The following TNFRSF10D variants were observed in gnomAD, a reference collection of about 807,000 sequenced individuals.
TNFRSF10D encodes tumor necrosis factor receptor superfamily member 10D.
In TNFRSF10D, 28 loss-of-function variants were observed where a neutral mutation model predicts 42.1. The observed-to-expected ratio is 0.66, with a 90% CI of 0.49 to 0.91. TNFRSF10D has a LOEUF of 0.91. Among genes scored for constraint, TNFRSF10D ranks in the 40% least tolerant of loss-of-function variants. The pLI, the probability that TNFRSF10D is intolerant of heterozygous loss-of-function variation, is 0.00. For synonymous variants in TNFRSF10D, 186 were observed against 189.4 expected (o/e 0.98, Z 0.15); for missense variants, 503 against 486.1 (o/e 1.03, Z -0.33).
At chr8:23,141,619 T>G (rs369484308) in intron 7 of TNFRSF10D, among the ~76,000 whole-genome samples, 342 of 150,532 alleles carry the variant, frequency 2.3e-3, no homozygotes, top group African/African-American at 7.2e-3. Flanking sequence ...GCAACTTAAA[T>G]GAACACACAG....
chr8:23,160,409 C>A (rs994065661), intron 1 of TNFRSF10D, among the ~76,000 whole-genome samples: 11 of 152,178 alleles, frequency 7.2e-5, no homozygotes, highest in African/African-American at 2.7e-4. Context: ...AGGCCAAGTG[C>A]AGGACAGAGA....
Position 23,155,076 on chromosome 8 carries a change from A to G in TNFRSF10D, c.151-97T>C, listed in dbSNP as rs528786784. The G allele has an allele frequency of 8.6e-4, 831 of 966,402 alleles. 1 individual carries two copies. Among genetic ancestry groups the G allele is most frequent in the Middle Eastern group, 1.3e-3 (6 of 4,574 alleles). The allele number at this position is 966,402 out of a possible 1,614,324, so 59.9% of individuals were successfully genotyped here. A position where few individuals can be genotyped will look rare whatever the true frequency, so the allele number is the denominator to read the frequency against. On this transcript the variant is annotated intron_variant, in intron 1 of 8. Coordinates refer to ENST00000312584, the MANE Select transcript of TNFRSF10D (RefSeq NM_003840.5). ...CCCTTCACCCCAAGTGACAAAACCCATGAGAGCCTGGACTTTTTTCCCATT... is the reference window on the plus strand; with the variant it reads ...CCCTTCACCCCAAGTGACAAAACCCGTGAGAGCCTGGACTTTTTTCCCATT...
chr8:23,152,225 ATTAC>A (rs1800220912), intron 2 of TNFRSF10D, among the ~76,000 whole-genome samples: 1 of 152,238 alleles, frequency 6.6e-6, no homozygotes, highest in Admixed American at 6.5e-5. Flanking sequence ...GAAGTGGTGT[ATTAC>A]TTACAGACTC....
chr8:23,144,396 C>A, intron 7 of TNFRSF10D, 54 bp downstream of exon 7: 1 of 1,575,958 alleles, frequency 6.3e-7, no homozygotes, highest in Non-Finnish European at 8.6e-7. Context: ...CCACTGTCTA[C>A]AAAGTCCTGT....
intron 2 of TNFRSF10D, among the ~76,000 whole-genome samples, chr8:23,152,821 G>T (rs1173177632): frequency 6.6e-6 from 1 of 152,168 alleles, no homozygotes; most frequent in Non-Finnish European, 1.5e-5. Flanking sequence ...TCAATGCAAT[G>T]CCTATTAAAA....
intron 7 of TNFRSF10D, among the ~76,000 whole-genome samples, chr8:23,143,038 G>T (rs567242669): frequency 2.5e-4 from 38 of 150,484 alleles, no homozygotes; most frequent in Non-Finnish European, 3.7e-4. Flanking sequence ...GTGCAGTGGC[G>T]TGATCTCGGC....
At chr8:23,139,989 A>G (rs984397822) in intron 7 of TNFRSF10D, among the ~76,000 whole-genome samples, 1 of 152,112 alleles carries the variant, frequency 6.6e-6, no homozygotes, top group African/African-American at 2.4e-5. Context: ...ACTAAAGAAT[A>G]CAAAAATTAA....
In TNFRSF10D at chr8:23,136,877, G is replaced by A. The variant is rs1334516708; in HGVS notation, c.*993C>T. ...CAAGCTGCCCCTTGAGAAGCTGCCAGCCATCAAACCCTGGTCCAGTCTCAG... is the reference window on the plus strand; with the variant it reads ...CAAGCTGCCCCTTGAGAAGCTGCCAACCATCAAACCCTGGTCCAGTCTCAG... On this transcript the variant is annotated 3_prime_UTR_variant, in exon 9 of 9. Coordinates refer to ENST00000312584, the MANE Select transcript of TNFRSF10D (RefSeq NM_003840.5). 1 of 152,010 alleles carries A rather than the reference G, an allele frequency of 6.6e-6. No homozygotes were observed. The highest frequency in any genetic ancestry group is 2.4e-5 in the African/African-American group (1 of 41,382). The allele number at this position is 152,010 out of a possible 1,614,324, so 9.4% of individuals were successfully genotyped here.
Position 23,148,544 on chromosome 8 carries a change from A to G in TNFRSF10D, c.264T>C (p.His88=). The G allele has an allele frequency of 6.2e-7, 1 of 1,606,364 alleles. No homozygotes were observed. Among genetic ancestry groups the G allele is most frequent in the Non-Finnish European group, 8.5e-7 (1 of 1,174,612 alleles). The part of the protein sequence containing the change: ...LKEEECPAGS[H]RSEYTGACNP... Reference sequence around the variant, plus strand: ...TACAGGCTCCAGTATATTCTGATCTATGAGATCCTGGGAAGGGAGAGAAAA... The same window carrying G: ...TACAGGCTCCAGTATATTCTGATCTGTGAGATCCTGGGAAGGGAGAGAAAA... The change falls in exon 3 of 9, where the codon CAT becomes CAC. Residue 88 remains histidine (H), a synonymous_variant. Transcript: ENST00000312584.
intron 1 of TNFRSF10D, among the ~76,000 whole-genome samples, chr8:23,159,660 G>A (rs547964685): frequency 7.9e-5 from 12 of 152,200 alleles, no homozygotes; most frequent in African/African-American, 1.2e-4. Context: ...GCTCGACTTC[G>A]AGACCAGCCT....
intron 6 of TNFRSF10D, 131 bp downstream of exon 6, chr8:23,144,927 G>T: frequency 7.2e-7 from 1 of 1,390,494 alleles, no homozygotes. Flanking sequence ...AGTCAGCCCA[G>T]ATCCCCCAGG....
At chr8:23,140,112 AC>A (rs1357606133) in intron 7 of TNFRSF10D, among the ~76,000 whole-genome samples, 2 of 152,158 alleles carry the variant, frequency 1.3e-5, no homozygotes, top group African/African-American at 4.8e-5. Flanking sequence ...ACACGGTGAA[AC>A]CCCACCTCTA....
At chr8:23,162,930 T>C (rs1271879337) in intron 1 of TNFRSF10D, among the ~76,000 whole-genome samples, 3 of 152,176 alleles carry the variant, frequency 2.0e-5, no homozygotes, top group Non-Finnish European at 2.9e-5. Flanking sequence ...TTTGTTTGTC[T>C]GTTTTTGTTA....
chr8:23,150,562 T>C (rs150692187), intron 2 of TNFRSF10D, among the ~76,000 whole-genome samples: 952 of 152,152 alleles, frequency 6.3e-3, no homozygotes, highest in African/African-American at 0.019. Flanking sequence ...CCGAAAGGAA[T>C]AGACATTTAC....
At chr8:23,146,921 G>A in intron 4 of TNFRSF10D, 40 bp downstream of exon 4, 4 of 1,542,672 alleles carry the variant, frequency 2.6e-6, no homozygotes, top group Non-Finnish European at 3.6e-6. Context: ...GTCTTTTCAG[G>A]TTCCTGAAAG....
intron 2 of TNFRSF10D, among the ~76,000 whole-genome samples, chr8:23,148,901 C>CT (rs35193166): frequency 0.23 from 34,899 of 151,404 alleles, 5,209 homozygotes; most frequent in Middle Eastern, 0.34. Context: ...AATATTTTAT[C>CT]TTTTTTTGGC....
chr8:23,136,498 C>G lies in TNFRSF10D; in HGVS notation c.*1372G>C, dbSNP rs1296172133. 6.1e-6 allele frequency: 1 copy of G among 163,450 alleles called. No homozygotes were observed. Among genetic ancestry groups the G allele is most frequent in the Admixed American group, 6.4e-5 (1 of 15,574 alleles). 10.1% of individuals were successfully genotyped at this position (163,450 alleles called of 1,614,324 possible). A position where few individuals can be genotyped will look rare whatever the true frequency, so the allele number is the denominator to read the frequency against. ...ACCATTTCACACCATTCCCAAGCAC[C>G]GTCCACTCTTCCCTCTTGATGCCAT... On this transcript the variant is annotated 3_prime_UTR_variant, in exon 9 of 9. Transcript: ENST00000312584.
chr8:23,140,126 A>G (rs1205594103), intron 7 of TNFRSF10D, among the ~76,000 whole-genome samples: 3 of 152,140 alleles, frequency 2.0e-5, no homozygotes, highest in African/African-American at 7.2e-5. Context: ...CACCTCTACT[A>G]AAAATACAAA....
intron 1 of TNFRSF10D, 50 bp downstream of exon 1, chr8:23,163,736 C>A: frequency 6.3e-7 from 1 of 1,588,442 alleles, no homozygotes; most frequent in South Asian, 1.1e-5. Flanking sequence ...CTGCCCACTC[C>A]CGGCGCCAGG....
Sources: allele counts gnomAD v4.1 joint callset (sites outside exome capture counted in the v4.1 genomes callset), GRCh38; gene constraint gnomAD v4.1.1; transcripts MANE v1.5; gene names NCBI Gene and HGNC (gene_info 2026-07-23, HGNC 2026-07-21).